The following IPO11 variants were observed in gnomAD, a reference collection of about 807,000 sequenced individuals.
IPO11 encodes importin-11.
A neutral mutation model predicts 143.2 loss-of-function variants in IPO11; 66 were observed. The ratio of observed to expected loss-of-function variants is 0.46; its 90% CI spans 0.38 to 0.57. IPO11 has a LOEUF of 0.57. IPO11 is among the 20% of genes least tolerant of loss of function. The pLI is 0.00. For missense variants in IPO11, 1,026 were observed against 1,141.0 expected, an observed-to-expected ratio of 0.90 and a Z score of 1.45; for synonymous variants, 385 against 377.8, an observed-to-expected ratio of 1.02 and a Z score of -0.22.
chr5:62,526,089 CGGGATGGGA>C, intron 20 of IPO11, 44 bp from the exon 21 acceptor site: 2 of 1,135,858 alleles, frequency 1.8e-6, no homozygotes, highest in South Asian at 2.6e-5. Flanking sequence ...TTTTTTGGTG[CGGGATGGGA>C]CATTAGAGTG....
intron 20 of IPO11, among the ~76,000 whole-genome samples, chr5:62,516,131 CA>C (rs1157836351): frequency 6.6e-6 from 1 of 152,182 alleles, no homozygotes; most frequent in Admixed American, 6.5e-5. Flanking sequence ...ACTTCACCCA[CA>C]AGTTTGAGAA....
At chr5:62,508,599 T>TCTCC (rs977899216) in intron 19 of IPO11, among the ~76,000 whole-genome samples, 6 of 151,094 alleles carry the variant, frequency 4.0e-5, no homozygotes, top group Non-Finnish European at 8.9e-5. Flanking sequence ...TTCCTCCCTT[T>TCTCC]CTCCCTCCCT....
intron 27 of IPO11, chr5:62,580,476 G>T (rs1156240679): frequency 1.9e-6 from 3 of 1,551,374 alleles, no homozygotes; most frequent in Non-Finnish European, 2.6e-6. Context: ...GGGTCCTTAA[G>T]CCGTTGTCTT....
intron 1 of IPO11, among the ~76,000 whole-genome samples, chr5:62,417,182 T>A (rs560832892): frequency 1.0e-3 from 156 of 151,824 alleles, no homozygotes; most frequent in African/African-American, 3.6e-3. Context: ...GGCCTCAAAC[T>A]TCAGGGCTCA....
chr5:62,579,203 G>T (rs1463978496), intron 27 of IPO11, among the ~76,000 whole-genome samples: 1 of 152,040 alleles, frequency 6.6e-6, no homozygotes, highest in Non-Finnish European at 1.5e-5. Context: ...TTGTCAAATA[G>T]TGGGTTAATG....
chr5:62,586,315 A>G (rs985329368), intron 27 of IPO11, among the ~76,000 whole-genome samples: 2 of 152,200 alleles, frequency 1.3e-5, no homozygotes, highest in East Asian at 1.9e-4. Flanking sequence ...GCTTCTTGCA[A>G]ACTTTGACAT....
At chr5:62,553,869 C>G (rs1357399535) in intron 26 of IPO11, among the ~76,000 whole-genome samples, 1 of 152,150 alleles carries the variant, frequency 6.6e-6, no homozygotes, top group Non-Finnish European at 1.5e-5. Context: ...TCTCTCGCCT[C>G]AGCCTCCCAA....
intron 5 of IPO11, 113 bp from the exon 6 acceptor site, chr5:62,467,018 C>A: frequency 2.1e-6 from 2 of 937,442 alleles, no homozygotes; most frequent in South Asian, 1.8e-5. Context: ...TATTTCAGAT[C>A]TCTCAGAAAA....
In IPO11 at chr5:62,447,111, A is replaced by AT. The variant is rs57399904; in HGVS notation, c.240-2807dup. On this transcript the variant is annotated intron_variant, in intron 3 of 29. Coordinates refer to ENST00000325324, the MANE Select transcript of IPO11 (RefSeq NM_016338.5). ...TTTTGGTTCATAATTATATATATAT[A>AT]TTTTTTTTTAAGAAGACAGGGTTTT... Among the ~76,000 whole-genome samples, 1,370 of 147,266 alleles carry AT rather than the reference A, an allele frequency of 9.3e-3. 23 individuals are homozygous for AT. The highest frequency in any genetic ancestry group is 0.033 in the African/African-American group (1,260 of 37,734).
chr5:62,499,221 C>T (rs1041003569), intron 16 of IPO11, among the ~76,000 whole-genome samples: 2 of 152,120 alleles, frequency 1.3e-5, no homozygotes, highest in African/African-American at 4.8e-5. Flanking sequence ...ATAGTAGAGG[C>T]TATCTCGGCT....
intron 24 of IPO11, among the ~76,000 whole-genome samples, chr5:62,542,887 A>T (rs955459377): frequency 6.6e-6 from 1 of 152,122 alleles, no homozygotes; most frequent in African/African-American, 2.4e-5. Flanking sequence ...TTTCACTGTG[A>T]TTAGACTTAA....
chr5:62,579,720 T>G, intron 27 of IPO11: 6 of 1,548,410 alleles, frequency 3.9e-6, no homozygotes, highest in Non-Finnish European at 5.2e-6. Flanking sequence ...TGGATAATTC[T>G]AACATTCTGT....
intron 1 of IPO11, among the ~76,000 whole-genome samples, chr5:62,415,403 T>G (rs1342814091): frequency 6.7e-6 from 1 of 149,932 alleles, no homozygotes; most frequent in Non-Finnish European, 1.5e-5. Flanking sequence ...CTCCCTGAAC[T>G]CCACCCACCT....
At chr5:62,481,005 T>A (rs1315036083) in intron 9 of IPO11, among the ~76,000 whole-genome samples, 4 of 147,576 alleles carry the variant, frequency 2.7e-5, no homozygotes, top group African/African-American at 1.0e-4. Flanking sequence ...AAGCTCTGCT[T>A]CCTGGGTTCA....
intron 28 of IPO11, among the ~76,000 whole-genome samples, chr5:62,600,541 T>G (rs1745469056): frequency 6.6e-6 from 1 of 152,202 alleles, no homozygotes; most frequent in Non-Finnish European, 1.5e-5. Flanking sequence ...AACCCCATAT[T>G]ATTATTCAGT....
chr5:62,527,542 G>A (rs1162873491), intron 21 of IPO11, among the ~76,000 whole-genome samples: 1 of 152,112 alleles, frequency 6.6e-6, no homozygotes, highest in East Asian at 1.9e-4. Context: ...CAAACATGTA[G>A]ATACTATATG....
At chr5:62,434,839 A>G (rs1351390404) in intron 1 of IPO11, among the ~76,000 whole-genome samples, 1 of 151,712 alleles carries the variant, frequency 6.6e-6, no homozygotes, top group Non-Finnish European at 1.5e-5. Context: ...ATCCTGGCCA[A>G]TATGGTGAAA....
At chr5:62,545,651 A>G (rs1430403965) in intron 24 of IPO11, among the ~76,000 whole-genome samples, 1 of 152,242 alleles carries the variant, frequency 6.6e-6, no homozygotes, top group East Asian at 1.9e-4. Context: ...AACTACCATC[A>G]GAGTGAACAG....
At chr5:62,565,734 C>T (rs1045731378) in intron 27 of IPO11, among the ~76,000 whole-genome samples, 9 of 151,976 alleles carry the variant, frequency 5.9e-5, no homozygotes, top group Admixed American at 2.0e-4. Flanking sequence ...CTTTAAGCTC[C>T]GCATGCATTA....
Sources: allele counts gnomAD v4.1 joint callset (sites outside exome capture counted in the v4.1 genomes callset), GRCh38; gene constraint gnomAD v4.1.1; transcripts MANE v1.5; gene names NCBI Gene and HGNC (gene_info 2026-07-23, HGNC 2026-07-21).